The following C11orf21 variants were observed in gnomAD, a reference collection of about 807,000 sequenced individuals.
C11orf21 encodes chromosome 11 open reading frame 21, also known as uncharacterized protein C11orf21.
C11orf21 carries 19 observed loss-of-function variants against 15.2 expected under a neutral mutation model. The ratio of observed to expected loss-of-function variants is 1.25; its 90% CI spans 0.87 to 1.84. The LOEUF is 1.84. C11orf21 is among the 40% of genes most tolerant of loss of function. The probability of loss-of-function intolerance (pLI) is 0.00; values close to 1 mark genes in which losing one functional copy is unlikely to be tolerated. For synonymous variants in C11orf21, 62 were observed against 66.8 expected (o/e 0.93, Z 0.35); for missense variants, 171 against 174.4 (o/e 0.98, Z 0.11).
intron 1 of C11orf21, 49 bp downstream of exon 1, chr11:2,301,707 C>A: frequency 6.9e-7 from 1 of 1,457,716 alleles, no homozygotes; most frequent in Non-Finnish European, 9.2e-7. Flanking sequence ...AAGGATTACG[C>A]CCCCAAGGCC....
rs553789835 is a variant in C11orf21, at chr11:2,300,902, C to A, written c.54-289G>T. ...TCTTGTTGCCACCCCTACATTCATA[C>A]CTGCGCCCCAGTCTGAGCCACACCT... On this transcript the variant is annotated intron_variant, in intron 1 of 3. Transcript: ENST00000381153. The A allele has an allele frequency of 3.1e-5, 24 of 786,840 alleles. No individual in the cohort carries two copies. The East Asian group carries it at 5.6e-4, about 19-fold the overall frequency. The allele number at this position is 786,840 out of a possible 1,614,324, so 48.7% of individuals were successfully genotyped here. A position where few individuals can be genotyped will look rare whatever the true frequency, so the allele number is the denominator to read the frequency against.
chr11:2,302,165 C>T (rs145517785), upstream of C11orf21: 57 of 1,426,928 alleles, frequency 4.0e-5, 1 homozygote, highest in African/African-American at 6.5e-4. Context: ...GCCTTGGAGT[C>T]GAGTCAGGGT....
intron 3 of C11orf21, among the ~76,000 whole-genome samples, chr11:2,299,083 C>G (rs1247783910): frequency 6.6e-6 from 1 of 152,146 alleles, no homozygotes; most frequent in African/African-American, 2.4e-5. Flanking sequence ...CAGGGTGCCT[C>G]CAGGGGAAGG....
At chr11:2,301,388 C>A in intron 1 of C11orf21, 1 of 211,604 alleles carries the variant, frequency 4.7e-6, no homozygotes, top group South Asian at 8.5e-5. Flanking sequence ...CAGAGGCCCA[C>A]GGAAACCCTG....
upstream of C11orf21, chr11:2,303,030 G>A (rs1315460393): frequency 7.2e-7 from 1 of 1,383,264 alleles, no homozygotes; most frequent in Non-Finnish European, 1.0e-6. Context: ...GAGCCCAGCT[G>A]GACGCCTCAC....
chr11:2,298,555 C>A (rs1005270737), intron 3 of C11orf21, among the ~76,000 whole-genome samples: 2 of 152,196 alleles, frequency 1.3e-5, no homozygotes, highest in African/African-American at 4.8e-5. Context: ...TGCCCCCAGT[C>A]CTGCCCAGGC....
intron 2 of C11orf21, among the ~76,000 whole-genome samples, chr11:2,300,121 G>A (rs1589784994): frequency 1.2e-5 from 1 of 84,978 alleles, no homozygotes; most frequent in East Asian, 3.1e-4. Context: ...GGTGGGCAGG[G>A]GTGTGTGGGG....
At chr11:2,300,334 G>T (rs1589786139) in intron 2 of C11orf21, among the ~76,000 whole-genome samples, 186 bp downstream of exon 2, 2 of 122,614 alleles carry the variant, frequency 1.6e-5, no homozygotes, top group South Asian at 5.4e-4. Flanking sequence ...GTGGGCAGGG[G>T]TGTGCGGGGT....
At chr11:2,302,298 T>C (rs2074021), upstream of C11orf21, 1,094,077 of 1,281,266 alleles carry the variant, frequency 0.85, 472,563 homozygotes, top group Non-Finnish European at 0.88. Context: ...ACAGGGATTA[T>C]CCCTCCCCTG....
chr11:2,303,130 G>A (rs2133284718), upstream of C11orf21: 1 of 604,470 alleles, frequency 1.7e-6, no homozygotes, highest in South Asian at 2.0e-5. Context: ...CCTGGGCAGG[G>A]CCTCGGGTCT....
chr11:2,300,467 A>G, intron 2 of C11orf21, 53 bp downstream of exon 2: 1 of 1,221,192 alleles, frequency 8.2e-7, no homozygotes, highest in Non-Finnish European at 1.1e-6. Context: ...TGGGGGTTCC[A>G]CCGGCTCCCT....
chr11:2,300,132 T>G (rs1589785081), intron 2 of C11orf21, among the ~76,000 whole-genome samples: 1 of 20,556 alleles, frequency 4.9e-5, no homozygotes, highest in Non-Finnish European at 9.0e-5. Context: ...GTGTGTGGGG[T>G]GGGCAGGGGT....
Position 2,297,154 on chromosome 11 carries a change from C to A in C11orf21, c.*796G>T, listed in dbSNP as rs989538155. 2 of 152,494 alleles carry A rather than the reference C, an allele frequency of 1.3e-5. No homozygotes were observed. The highest frequency in any genetic ancestry group is 4.8e-5 in the African/African-American group (2 of 41,584). 9.4% of individuals were successfully genotyped at this position (152,494 alleles called of 1,614,324 possible). A position where few individuals can be genotyped will look rare whatever the true frequency, so the allele number is the denominator to read the frequency against. ...GACACACAGCTCCCGAGACCCCTCA[C>A]TGGGGACACAGGGGGGCCCTGCAGC... On this transcript the variant is annotated 3_prime_UTR_variant, in exon 4 of 4. Transcript: ENST00000381153.
upstream of C11orf21, chr11:2,302,974 G>T (rs777841962): frequency 1.2e-6 from 2 of 1,606,816 alleles, no homozygotes; most frequent in South Asian, 2.2e-5. Flanking sequence ...TGAGGTCCAG[G>T]CCTGGCTGCA....
intron 2 of C11orf21, 63 bp from the exon 3 acceptor site, chr11:2,299,770 G>A: frequency 6.5e-7 from 1 of 1,540,092 alleles, no homozygotes; most frequent in East Asian, 2.5e-5. Context: ...TCACAGGAAG[G>A]AGAGAGGAAA....
Position 2,301,812 on chromosome 11 carries a change from T to C in C11orf21, c.-4A>G, listed in dbSNP as rs766454315. On this transcript the variant is annotated 5_prime_UTR_variant, in exon 1 of 4. Coordinates refer to ENST00000381153, the MANE Select transcript of C11orf21 (RefSeq NM_001329958.2). The stretch of plus-strand genomic sequence containing the variant: ...TCCCACACCAGGTCCTGCCCATGAC[T>C]TTCCCCCTCTCAGCGCCGTCCTCAG... The C allele has an allele frequency of 1.3e-6, 2 of 1,550,784 alleles. No individual in the cohort carries two copies. The highest frequency in any genetic ancestry group is 2.4e-5 in the East Asian group (1 of 40,894).
intron 1 of C11orf21, 40 bp downstream of exon 1, chr11:2,301,716 C>T: frequency 2.7e-6 from 4 of 1,504,668 alleles, no homozygotes; most frequent in South Asian, 1.2e-5. Context: ...GCCCCCAAGG[C>T]CCAGTCCACA....
Position 2,297,607 on chromosome 11 carries a change from T to C in C11orf21, c.*343A>G, listed in dbSNP as rs1847558566. The C allele has an allele frequency of 6.6e-6, 1 of 152,304 alleles. No homozygotes were observed. The allele number at this position is 152,304 out of a possible 1,614,324, so 9.4% of individuals were successfully genotyped here. ...ACCCTTTCCGCTGTAGCCCACTGTC[T>C]CTAAACATATTTCACACGTTGCTGG... On this transcript the variant is annotated 3_prime_UTR_variant, in exon 4 of 4. Coordinates refer to ENST00000381153, the MANE Select transcript of C11orf21 (RefSeq NM_001329958.2).
upstream of C11orf21, chr11:2,302,690 A>G: frequency 1.5e-6 from 1 of 650,630 alleles, no homozygotes; most frequent in Non-Finnish European, 2.7e-6. Flanking sequence ...GCCTCCTGAG[A>G]CCACTCCACG....
Sources: gnomAD v4.1 joint callset for allele counts (sites outside exome capture counted in the v4.1 genomes callset) on GRCh38, gnomAD v4.1.1 for gene constraint, MANE v1.5 for transcripts, NCBI Gene and HGNC (gene_info 2026-07-23, HGNC 2026-07-21) for gene names.